The following ANKRD36B variants were observed in gnomAD, a reference collection of about 807,000 sequenced individuals.
ANKRD36B encodes ankyrin repeat domain 36B.
In ANKRD36B, 37 loss-of-function variants were observed where a neutral mutation model predicts 135.7. The observed-to-expected ratio is 0.27, with a 90% CI of 0.21 to 0.36. The LOEUF (loss-of-function observed/expected upper bound fraction) is 0.36. Ranked by LOEUF, ANKRD36B falls within the 10% of genes least tolerant of loss-of-function variation. ANKRD36B has a pLI of 1.00. For missense variants in ANKRD36B, 549 were observed against 1,037.1 expected (o/e 0.53, Z 6.46); for synonymous variants, 179 against 348.1 (o/e 0.51, Z 5.41).
chr2:97,580,131 A>G (rs1015425136), intron 4 of ANKRD36B, among the ~76,000 whole-genome samples: 3 of 152,264 alleles, frequency 2.0e-5, no homozygotes, highest in Middle Eastern at 3.2e-3. Flanking sequence ...TACAATCAAA[A>G]GCATCACATT....
At chr2:97,554,459 G>A (rs1166982716) in intron 14 of ANKRD36B, among the ~76,000 whole-genome samples, 2 of 151,924 alleles carry the variant, frequency 1.3e-5, no homozygotes, top group East Asian at 3.9e-4. Context: ...TCATCCAGTA[G>A]TTCCTGGAGC....
At chr2:97,549,880 A>G (rs946926897) in intron 18 of ANKRD36B, among the ~76,000 whole-genome samples, 1 of 151,986 alleles carries the variant, frequency 6.6e-6, no homozygotes, top group Non-Finnish European at 1.5e-5. Flanking sequence ...GTCAATATCA[A>G]TGTGCATAGG....
At chr2:97,567,210 C>A (rs1372847545) in intron 6 of ANKRD36B, among the ~76,000 whole-genome samples, 1 of 150,928 alleles carries the variant, frequency 6.6e-6, no homozygotes, top group East Asian at 1.9e-4. Flanking sequence ...GGCACTCACC[C>A]TCTGGGAACA....
At position 97,547,566 on chromosome 2, in the gene ANKRD36B, C is replaced by A. The variant is rs746014707; in HGVS notation, c.1549G>T (p.Gly517Ter). 6.4e-6 allele frequency: 10 copies of A among 1,554,022 alleles called. No individual in the cohort carries two copies. The highest frequency in any genetic ancestry group is 2.7e-5 in the African/African-American group (2 of 73,652). The change falls in exon 22 of 44, where the codon GGA becomes TGA. Residue 517 changes from glycine to a stop codon, truncating the protein, a stop_gained. Coordinates refer to ENST00000359901, the MANE Select transcript of ANKRD36B (RefSeq NM_001393939.1). LOFTEE classifies it high-confidence loss of function. ...EKDSLLNIAR[G>*]KKDGEKTRRV... ...CTAGTTTTTTCTCCATCTTTTTTTC[C>A]TCTGGCTATATTCAAAAGAGAATCT...
At position 97,547,539 on chromosome 2, in the gene ANKRD36B, T is replaced by G; in HGVS notation, c.1576A>C (p.Arg526=). ...TTAAATCTCTTTTCAAAATTACCTCTCCTAGTTTTTTCTCCATCTTTTTTT... is the reference window on the plus strand; with the variant it reads ...TTAAATCTCTTTTCAAAATTACCTCGCCTAGTTTTTTCTCCATCTTTTTTT... ...RGKKDGEKTR[R]VSSHKQPSLK... Residue 526 remains arginine, a synonymous_variant, in exon 22 of 44, where the codon AGA becomes CGA. Transcript: ENST00000359901. The G allele has an allele frequency of 6.5e-7, 1 of 1,539,890 alleles. No homozygotes were observed. Among genetic ancestry groups the G allele is most frequent in the Non-Finnish European group, 8.9e-7 (1 of 1,126,936 alleles).
intron 6 of ANKRD36B, among the ~76,000 whole-genome samples, chr2:97,567,851 G>A (rs1000056008): frequency 2.0e-5 from 3 of 152,152 alleles, no homozygotes; most frequent in East Asian, 1.9e-4. Flanking sequence ...CATGGTTCAC[G>A]GATCCAAGAT....
At position 97,556,998 on chromosome 2, in the gene ANKRD36B, T is replaced by C; in HGVS notation, c.1008A>G (p.Lys336=). ...QKQSAQKVIF[K]KKVSLLNIAT... is the part of the protein sequence containing the mutation. The stretch of plus-strand genomic sequence containing the variant: ...CAATATTCAAAAGAGAAACTTTCTT[T>C]TTAAATATAACCTGAATGGAAAGAG... The change falls in exon 12 of 44, where the codon AAA becomes AAG. Residue 336 remains lysine, a synonymous_variant. Coordinates refer to ENST00000359901, the MANE Select transcript of ANKRD36B (RefSeq NM_001393939.1). The C allele has an allele frequency of 6.4e-7, 1 of 1,567,734 alleles. No individual in the cohort carries two copies.
chr2:97,552,258 C>T (rs1207841776), intron 16 of ANKRD36B, among the ~76,000 whole-genome samples: 2 of 151,950 alleles, frequency 1.3e-5, no homozygotes, highest in Non-Finnish European at 2.9e-5. Context: ...ATTCAGAAAT[C>T]ACTGCAATAT....
intron 8 of ANKRD36B, among the ~76,000 whole-genome samples, chr2:97,560,168 C>T (rs1439701349): frequency 2.0e-5 from 3 of 151,820 alleles, no homozygotes; most frequent in Non-Finnish European, 2.9e-5. Context: ...TACATAAATA[C>T]CTTCTTCTTT....
chr2:97,560,763 T>C, intron 7 of ANKRD36B, 26 bp from the exon 8 acceptor site: 1 of 1,596,360 alleles, frequency 6.3e-7, no homozygotes. Context: ...AACAAAATAA[T>C]CAATATGTAA....
chr2:97,589,231 C>T (rs2083239162), intron 1 of ANKRD36B, among the ~76,000 whole-genome samples: 1 of 113,432 alleles, frequency 8.8e-6, no homozygotes, highest in Admixed American at 8.9e-5. Flanking sequence ...CCCACACCAT[C>T]CACGCCCCTA....
chr2:97,524,625 C>A (rs2078094208), intron 35 of ANKRD36B: 1 of 96,348 alleles, frequency 1.0e-5, no homozygotes, highest in South Asian at 2.3e-4. Context: ...GCATCACTTT[C>A]CTAACAATCA....
At position 97,519,979 on chromosome 2, in the gene ANKRD36B, A is replaced by AC. The variant is rs1193289607; in HGVS notation, c.2407+3346dup. ...TGGGGGTATACAAAAAAATATCTGA[A>AC]CCCCCCTCTCAATTTTGACAGGAAC... On this transcript the variant is annotated intron_variant, in intron 36 of 43. Coordinates refer to ENST00000359901, the MANE Select transcript of ANKRD36B (RefSeq NM_001393939.1). Among the ~76,000 whole-genome samples, 4 of 92,522 alleles carry AC rather than the reference A, an allele frequency of 4.3e-5. 1 individual carries two copies. The highest frequency in any genetic ancestry group is 1.2e-4 in the African/African-American group (4 of 32,090). The allele number at this position is 92,522 out of a possible 152,430, so 60.7% of individuals were successfully genotyped here. A position where few individuals can be genotyped will look rare whatever the true frequency, so the allele number is the denominator to read the frequency against.
intron 6 of ANKRD36B, among the ~76,000 whole-genome samples, chr2:97,566,070 T>C (rs1387437721): frequency 2.0e-5 from 3 of 151,798 alleles, no homozygotes; most frequent in Non-Finnish European, 2.9e-5. Flanking sequence ...TCTCAGCATT[T>C]TGGGAGGCCA....
chr2:97,556,739 C>A (rs925005048), intron 12 of ANKRD36B, among the ~76,000 whole-genome samples, 198 bp downstream of exon 12: 1 of 151,870 alleles, frequency 6.6e-6, no homozygotes. Context: ...ATGTAGGGAA[C>A]TCTATAAGCT....
Position 97,553,157 on chromosome 2 carries a change from TG to T in ANKRD36B, c.1273+10del. 6.2e-7 allele frequency: 1 copy of T among 1,609,464 alleles called. No individual in the cohort carries two copies. Among genetic ancestry groups the T allele is most frequent in the Non-Finnish European group, 8.5e-7 (1 of 1,177,626 alleles). The stretch of plus-strand genomic sequence containing the variant: ...ATTGAACATGACATTGAATGTGTTT[TG>T]CAAAATTACCTGTCCCAGATTTTTC... On this transcript the variant is annotated intron_variant, in intron 16 of 43. Coordinates refer to ENST00000359901, the MANE Select transcript of ANKRD36B (RefSeq NM_001393939.1).
chr2:97,574,023 C>A (rs1352387974), intron 6 of ANKRD36B, among the ~76,000 whole-genome samples: 7 of 152,044 alleles, frequency 4.6e-5, no homozygotes, highest in African/African-American at 1.4e-4. Context: ...GCAACAAAAG[C>A]CAAAATTGAC....
chr2:97,526,981 CA>C (rs1401334993), intron 35 of ANKRD36B, among the ~76,000 whole-genome samples: 2 of 96,776 alleles, frequency 2.1e-5, no homozygotes, highest in East Asian at 4.6e-4. Flanking sequence ...AAACACTCTT[CA>C]GGATATTATC....
chr2:97,550,946 C>T lies in ANKRD36B; in HGVS notation c.1375+343G>A, dbSNP rs1270983999. Among the ~76,000 whole-genome samples the T allele has an allele frequency of 5.9e-5, 9 of 151,948 alleles. No homozygotes were observed. In the South Asian group the frequency reaches 1.0e-3, roughly 18 times the overall value. On this transcript the variant is annotated intron_variant, in intron 18 of 43. Coordinates refer to ENST00000359901, the MANE Select transcript of ANKRD36B (RefSeq NM_001393939.1). ...GTCTGTTTTTAGCACTACGATGTGACGTCTGTAAAATCTGTACTTCCTCTC... is the reference window on the plus strand; with the variant it reads ...GTCTGTTTTTAGCACTACGATGTGATGTCTGTAAAATCTGTACTTCCTCTC...
Sources: allele counts gnomAD v4.1 joint callset (sites outside exome capture counted in the v4.1 genomes callset), GRCh38; gene constraint gnomAD v4.1.1; transcripts MANE v1.5; gene names NCBI Gene and HGNC (gene_info 2026-07-23, HGNC 2026-07-21).